Variants in GLMN observed in about 807,000 individuals in gnomAD.
GLMN encodes the protein glomulin, FKBP associated protein, also known as glomulin.
A neutral mutation model predicts 87.8 loss-of-function variants in GLMN; 75 were observed. The observed-to-expected ratio is 0.85, with a 90% CI of 0.71 to 1.04. The LOEUF is 1.04. GLMN is among the 50% of genes least tolerant of loss of function. GLMN has a pLI of 0.00. For missense variants in GLMN, 588 were observed against 658.8 expected (o/e 0.89, Z 1.18); for synonymous variants, 206 against 221.6 (o/e 0.93, Z 0.63).
At chr1:92,287,348 A>G (rs1285653558) in intron 6 of GLMN, among the ~76,000 whole-genome samples, 1 of 152,106 alleles carries the variant, frequency 6.6e-6, no homozygotes, top group Admixed American at 6.6e-5. Context: ...ATAAATGGTA[A>G]AAAACTTTTT....
At chr1:92,261,283 T>C (rs1655012445) in intron 16 of GLMN, among the ~76,000 whole-genome samples, 1 of 152,258 alleles carries the variant, frequency 6.6e-6, no homozygotes, top group Admixed American at 6.5e-5. Context: ...TGAACTTTTT[T>C]CACCTACATT....
the GLMN span, among the ~76,000 whole-genome samples, chr1:92,365,272 G>A: frequency 6.6e-6 from 1 of 152,288 alleles, no homozygotes; most frequent in Non-Finnish European, 1.5e-5. Context: ...TTCCAAAAGT[G>A]TAGTTAACAA....
the GLMN span, among the ~76,000 whole-genome samples, chr1:92,365,036 T>C: frequency 2.9e-3 from 439 of 152,328 alleles, 1 homozygote; most frequent in Non-Finnish European, 4.4e-3. Context: ...TCATCTTCAA[T>C]AGGACTTGAC....
chr1:92,340,410 C>G, the GLMN span, among the ~76,000 whole-genome samples: 3 of 152,130 alleles, frequency 2.0e-5, no homozygotes, highest in Non-Finnish European at 1.5e-5. Flanking sequence ...ATGACAGTAA[C>G]TATTGTTGAG....
chr1:92,266,481 ACT>A lies in GLMN; in HGVS notation c.1150_1151del (p.Ser384PhefsTer9), dbSNP rs750074519. 6.4e-6 allele frequency: 10 copies of A among 1,563,532 alleles called. No homozygotes were observed. The highest frequency in any genetic ancestry group is 2.7e-5 in the African/African-American group (2 of 73,840). On this transcript the variant is annotated frameshift_variant, in exon 13 of 19. Coordinates refer to ENST00000370360, the MANE Select transcript of GLMN (RefSeq NM_053274.3). LOFTEE classifies it high-confidence loss of function. ...TAATATACAGCTGAAGCATAGCTAA[ACT>A]CTTTTTCCTCTAAAATGGAACAAAC... ...LCPIETLRKK[S>X]LAMLQLYINK...
At chr1:92,308,061 C>T in the GLMN span, among the ~76,000 whole-genome samples, 1 of 151,648 alleles carries the variant, frequency 6.6e-6, no homozygotes, top group Non-Finnish European at 1.5e-5. Context: ...TGCAGGTTAG[C>T]TAAAAAGCTC....
At chr1:92,300,726 T>G (rs749296899), upstream of GLMN, among the ~76,000 whole-genome samples, 1 of 152,248 alleles carries the variant, frequency 6.6e-6, no homozygotes, top group Non-Finnish European at 1.5e-5. Context: ...TATGTAGCTA[T>G]GATTTTTATT....
At chr1:92,288,075 G>A (rs1277102649) in intron 6 of GLMN, among the ~76,000 whole-genome samples, 10 of 151,282 alleles carry the variant, frequency 6.6e-5, no homozygotes, top group Admixed American at 6.6e-4. Context: ...AAATCCAGGG[G>A]ATATTTTATA....
At chr1:92,330,605 C>T in the GLMN span, among the ~76,000 whole-genome samples, 1 of 151,604 alleles carries the variant, frequency 6.6e-6, no homozygotes, top group Admixed American at 6.6e-5. Flanking sequence ...CCGTGCCATG[C>T]CTGCCTAACT....
chr1:92,370,543 G>A, the GLMN span, among the ~76,000 whole-genome samples: 1 of 152,168 alleles, frequency 6.6e-6, no homozygotes, highest in Non-Finnish European at 1.5e-5. Flanking sequence ...GAGAAACAGT[G>A]TCTAGAATTT....
chr1:92,354,627 T>C, the GLMN span, among the ~76,000 whole-genome samples: 1 of 152,128 alleles, frequency 6.6e-6, no homozygotes, highest in Non-Finnish European at 1.5e-5. Context: ...ACATAAACCA[T>C]CTGTTATAAG....
chr1:92,331,165 C>T, the GLMN span, among the ~76,000 whole-genome samples: 1 of 152,180 alleles, frequency 6.6e-6, no homozygotes, highest in African/African-American at 2.4e-5. Context: ...GTTATGTCTT[C>T]CTGGTGAATT....
intron 7 of GLMN, among the ~76,000 whole-genome samples, chr1:92,286,171 G>A (rs1362745502): frequency 2.6e-5 from 4 of 151,316 alleles, no homozygotes; most frequent in African/African-American, 7.3e-5. Flanking sequence ...ACACTATTAA[G>A]CCAATGGAAA....
At chr1:92,266,250 T>C (rs1209782815) in intron 13 of GLMN, among the ~76,000 whole-genome samples, 169 bp downstream of exon 13, 3 of 152,190 alleles carry the variant, frequency 2.0e-5, no homozygotes, top group Admixed American at 6.5e-5. Flanking sequence ...TCTGAAATAT[T>C]TGATTAACCC....
rs534239612 is a variant in GLMN at position 92,279,265 on chromosome 1, G to A, written c.735+7225C>T. On this transcript the variant is annotated intron_variant, in intron 7 of 18. Transcript: ENST00000370360. The stretch of plus-strand genomic sequence containing the variant: ...GAGGTCAGGAGTTTGAGACCAGCTT[G>A]GCCAACATGGCGAAACCCCAACTCT... Among the ~76,000 whole-genome samples, 9 of 152,172 alleles carry A rather than the reference G, an allele frequency of 5.9e-5. No homozygotes were observed. The East Asian group carries it at 1.7e-3, about 29-fold the overall frequency.
chr1:92,311,349 T>G, the GLMN span, among the ~76,000 whole-genome samples: 6 of 152,222 alleles, frequency 3.9e-5, no homozygotes, highest in Non-Finnish European at 7.3e-5. Flanking sequence ...TAAGGAAATA[T>G]TTATTAAAAT....
At chr1:92,263,327 C>T (rs985569110) in intron 15 of GLMN, among the ~76,000 whole-genome samples, 5 of 152,068 alleles carry the variant, frequency 3.3e-5, no homozygotes, top group African/African-American at 1.2e-4. Flanking sequence ...AAATTACATA[C>T]ACAGATTTTT....
intron 1 of GLMN, 145 bp downstream of exon 1, chr1:92,298,780 A>C (rs1650498288): frequency 6.3e-6 from 2 of 316,532 alleles, no homozygotes; most frequent in Non-Finnish European, 1.2e-5. Flanking sequence ...CATCAGAGGA[A>C]GCCATGTCTT....
At chr1:92,345,116 A>G in the GLMN span, among the ~76,000 whole-genome samples, 2 of 152,082 alleles carry the variant, frequency 1.3e-5, no homozygotes, top group African/African-American at 2.4e-5. Context: ...CATTTCTGTA[A>G]ATTATGCATT....
Sources: allele counts gnomAD v4.1 joint callset (sites outside exome capture counted in the v4.1 genomes callset), GRCh38; gene constraint gnomAD v4.1.1; transcripts MANE v1.5; gene names NCBI Gene and HGNC (gene_info 2026-07-23, HGNC 2026-07-21).